The following ALK variants were observed in gnomAD, a reference collection of about 807,000 sequenced individuals.
ALK encodes the protein ALK tyrosine kinase receptor.
ALK carries 74 observed loss-of-function variants against 163.1 expected under a neutral mutation model. The observed-to-expected ratio is 0.45, with a 90% CI of 0.38 to 0.55. The LOEUF (loss-of-function observed/expected upper bound fraction) is 0.55, where lower values mean the gene tolerates loss of function less well. Ranked by LOEUF, ALK falls within the 20% of genes least tolerant of loss-of-function variation. The pLI, the probability that ALK is intolerant of heterozygous loss-of-function variation, is 0.00. For missense variants in ALK, 2,063 were observed against 2,105.3 expected, an observed-to-expected ratio of 0.98 and a Z score of 0.39; for synonymous variants, 960 against 843.2, an observed-to-expected ratio of 1.14 and a Z score of -2.40.
chr2:29,684,863 G>A (rs976491018), intron 3 of ALK, among the ~76,000 whole-genome samples: 3 of 152,170 alleles, frequency 2.0e-5, no homozygotes, highest in African/African-American at 7.2e-5. Context: ...CAATATACTG[G>A]CTTTGGAGAT....
At chr2:29,766,906 C>G (rs562123891) in intron 1 of ALK, among the ~76,000 whole-genome samples, 1 of 152,252 alleles carries the variant, frequency 6.6e-6, no homozygotes, top group Non-Finnish European at 1.5e-5. Context: ...AGAGCCTGAC[C>G]TCCAAAAGGC....
At chr2:29,301,174 C>T (rs2148234679) in intron 8 of ALK, among the ~76,000 whole-genome samples, 1 of 152,344 alleles carries the variant, frequency 6.6e-6, no homozygotes, top group South Asian at 2.1e-4. Context: ...TTGCATTTCT[C>T]TGCTTCTATA....
At chr2:29,454,440 T>G (rs1440351860) in intron 4 of ALK, among the ~76,000 whole-genome samples, 1 of 152,228 alleles carries the variant, frequency 6.6e-6, no homozygotes, top group Non-Finnish European at 1.5e-5. Flanking sequence ...TATTATTTTC[T>G]ATGTTGTATT....
intron 1 of ALK, among the ~76,000 whole-genome samples, chr2:29,918,741 T>C (rs1352716397): frequency 6.6e-6 from 1 of 152,188 alleles, no homozygotes; most frequent in African/African-American, 2.4e-5. Context: ...TGCAAGATAC[T>C]TGTAGCTCTA....
At chr2:29,238,531 CT>C (rs1664440448) in intron 13 of ALK, among the ~76,000 whole-genome samples, 1 of 152,176 alleles carries the variant, frequency 6.6e-6, no homozygotes, top group Non-Finnish European at 1.5e-5. Context: ...ACTTCATTAT[CT>C]TGAGAATTGT....
At chr2:29,904,862 T>C (rs1204374447) in intron 1 of ALK, among the ~76,000 whole-genome samples, 4 of 152,182 alleles carry the variant, frequency 2.6e-5, no homozygotes, top group Non-Finnish European at 5.9e-5. Flanking sequence ...CTGTTCCTGA[T>C]GATAATTGAG....
intron 11 of ALK, among the ~76,000 whole-genome samples, chr2:29,268,151 C>T (rs762488532): frequency 3.1e-4 from 47 of 152,186 alleles, no homozygotes; most frequent in Non-Finnish European, 3.1e-4. Flanking sequence ...TGCCATAATT[C>T]CAACCCCCAC....
intron 1 of ALK, among the ~76,000 whole-genome samples, chr2:29,756,387 G>A (rs1169170899): frequency 6.6e-6 from 1 of 152,120 alleles, no homozygotes; most frequent in Non-Finnish European, 1.5e-5. Flanking sequence ...ACTCAGAAGG[G>A]GACAAGGACC....
chr2:29,706,052 G>C (rs190642376), intron 2 of ALK, among the ~76,000 whole-genome samples: 1 of 152,208 alleles, frequency 6.6e-6, no homozygotes, highest in African/African-American at 2.4e-5. Context: ...GAGATGATCT[G>C]GGTTCTAGCT....
At chr2:29,730,741 C>T (rs781063431) in intron 1 of ALK, among the ~76,000 whole-genome samples, 4 of 152,168 alleles carry the variant, frequency 2.6e-5, no homozygotes, top group Non-Finnish European at 4.4e-5. Flanking sequence ...CAGTGAAAGG[C>T]AACTGGCCCA....
In ALK at chr2:29,239,879, C is replaced by G. The variant is rs745577258; in HGVS notation, c.2205-49G>C. 8.8e-6 allele frequency: 14 copies of G among 1,588,104 alleles called. No individual in the cohort carries two copies. The South Asian group carries it at 1.6e-4, about 18-fold the overall frequency. On this transcript the variant is annotated intron_variant, in intron 12 of 28. Coordinates refer to ENST00000389048, the MANE Select transcript of ALK (RefSeq NM_004304.5). ...GCTCCCGCTGTGGTATGAAGACTGT[C>G]CCCCTTCCTGCCAACCCAGCAGCTT...
intron 2 of ALK, among the ~76,000 whole-genome samples, chr2:29,712,989 C>T (rs1010764690): frequency 6.6e-6 from 1 of 152,130 alleles, no homozygotes; most frequent in African/African-American, 2.4e-5. Flanking sequence ...AATTTATTTT[C>T]TCACAGTTTT....
Position 29,364,181 on chromosome 2 carries a change from C to A in ALK, c.1282+19551G>T, listed in dbSNP as rs1668449303. 2.6e-5 allele frequency among the ~76,000 whole-genome samples: 4 copies of A among 152,270 alleles called. No homozygotes were observed. In the South Asian group the frequency reaches 8.3e-4, roughly 32 times the overall value. ...CAGATACATGTGTCTAAGACAGCCA[C>A]CCAAGTTCTACGGCAGATACCTGGT... On this transcript the variant is annotated intron_variant, in intron 5 of 28. Transcript: ENST00000389048.
intron 4 of ALK, among the ~76,000 whole-genome samples, chr2:29,487,884 G>A (rs546552159): frequency 8.5e-5 from 13 of 152,114 alleles, no homozygotes; most frequent in African/African-American, 2.9e-4. Context: ...CCGCTATCCC[G>A]TGCTTGTTCC....
intron 1 of ALK, among the ~76,000 whole-genome samples, chr2:29,829,483 C>T (rs1665302382): frequency 6.6e-6 from 1 of 152,006 alleles, no homozygotes; most frequent in Non-Finnish European, 1.5e-5. Context: ...ATGAGACTTC[C>T]CTTACTCTCG....
In ALK at chr2:29,559,020, T is replaced by C. The variant is rs181273880; in HGVS notation, c.953-26904A>G. ...AACATGCACAGGTGGGCAAGTTATC[T>C]TTCTAGTCAATATGCATCCAGTACC... On this transcript the variant is annotated intron_variant, in intron 3 of 28. Coordinates refer to ENST00000389048, the MANE Select transcript of ALK (RefSeq NM_004304.5). Among the ~76,000 whole-genome samples, 4 of 152,320 alleles carry C rather than the reference T, an allele frequency of 2.6e-5. No homozygotes were observed. The East Asian group carries it at 7.7e-4, about 29-fold the overall frequency.
intron 3 of ALK, among the ~76,000 whole-genome samples, chr2:29,608,036 A>G (rs915004301): frequency 3.1e-4 from 16 of 51,146 alleles, no homozygotes; most frequent in African/African-American, 2.2e-3. Context: ...CCACATTTCT[A>G]TTGCTTTGTC....
At chr2:29,428,455 A>G (rs887017446) in intron 4 of ALK, among the ~76,000 whole-genome samples, 11 of 151,996 alleles carry the variant, frequency 7.2e-5, no homozygotes, top group African/African-American at 2.7e-4. Context: ...TTACAAAAAT[A>G]AAAAGGATTA....
chr2:29,885,246 T>C (rs1558533414), intron 1 of ALK, among the ~76,000 whole-genome samples: 1 of 152,194 alleles, frequency 6.6e-6, no homozygotes, highest in Non-Finnish European at 1.5e-5. Context: ...TGAAGTATTC[T>C]ACTTGCCTCC....
Sources: gnomAD v4.1 joint callset for allele counts (sites outside exome capture counted in the v4.1 genomes callset) on GRCh38, gnomAD v4.1.1 for gene constraint, MANE v1.5 for transcripts, NCBI Gene and HGNC (gene_info 2026-07-23, HGNC 2026-07-21) for gene names.